The following ITLN2 variants were observed in gnomAD, a reference collection of about 807,000 sequenced individuals.
ITLN2 encodes the protein intelectin 2, also known as intelectin-2.
ITLN2 carries 29 observed loss-of-function variants against 39.4 expected under a neutral mutation model. That is an observed-to-expected ratio of 0.74 (90% confidence interval 0.55 to 1.00). The LOEUF (loss-of-function observed/expected upper bound fraction) is 1.00. Among genes scored for constraint, ITLN2 ranks in the 50% least tolerant of loss-of-function variants. ITLN2 has a pLI of 0.00. For missense variants in ITLN2, 412 were observed against 416.7 expected (o/e 0.99, Z 0.10); for synonymous variants, 156 against 153.4 (o/e 1.02, Z -0.12).
At chr1:160,952,547 A>G in intron 3 of ITLN2, 73 bp downstream of exon 3, 1 of 1,050,016 alleles carries the variant, frequency 9.5e-7, no homozygotes, top group Non-Finnish European at 1.5e-6. Context: ...GTCCCTCCTG[A>G]TTTCCATGAC....
At chr1:160,952,793 C>T in intron 2 of ITLN2, 60 bp from the exon 3 acceptor site, 1 of 1,195,184 alleles carries the variant, frequency 8.4e-7, no homozygotes, top group East Asian at 2.3e-5. Context: ...TCTTTCCTGG[C>T]CAATCTCTGC....
intron 6 of ITLN2, 108 bp downstream of exon 6, chr1:160,949,938 T>A (rs909008400): frequency 1.0e-6 from 1 of 998,400 alleles, no homozygotes; most frequent in Non-Finnish European, 1.5e-6. Flanking sequence ...GTCTGGTGCA[T>A]TTTAAGTGCT....
chr1:160,950,057 G>A lies in ITLN2; in HGVS notation c.710C>T (p.Pro237Leu), dbSNP rs201391588. ...GAGCAAACACTCACGTTGACCATAC[G>A]GTGAGTAATAAGATGCAGTCTTCTT... ...DAKKTASYYS[P>L]YGQREFVAGF... is the part of the protein sequence containing the mutation. The change falls in exon 6 of 8, where the codon CCG (proline) becomes CTG (leucine). Residue 237 changes from proline to leucine, a missense_variant. Coordinates refer to ENST00000368029, the MANE Select transcript of ITLN2 (RefSeq NM_080878.3). 28 of 1,613,698 alleles carry A rather than the reference G, an allele frequency of 1.7e-5. No individual in the cohort carries two copies. In the East Asian group the frequency reaches 1.8e-4, roughly 10 times the overall value.
intron 1 of ITLN2, 134 bp from the exon 2 acceptor site, chr1:160,954,584 CT>C (rs1671821464): frequency 8.2e-7 from 1 of 1,221,084 alleles, no homozygotes; most frequent in Non-Finnish European, 1.2e-6. Flanking sequence ...CTAAAACCTC[CT>C]GGAATATGCC....
intron 3 of ITLN2, among the ~76,000 whole-genome samples, chr1:160,952,215 C>T (rs1553205509): frequency 6.6e-6 from 1 of 152,196 alleles, no homozygotes; most frequent in Non-Finnish European, 1.5e-5. Context: ...CTTGACAAAC[C>T]CACTACTTGG....
At chr1:160,950,504 G>C in intron 5 of ITLN2, 49 bp downstream of exon 5, 1 of 1,592,376 alleles carries the variant, frequency 6.3e-7, no homozygotes, top group Non-Finnish European at 8.6e-7. Context: ...TAGACACTTC[G>C]ATCTCTGTTC....
intron 2 of ITLN2, among the ~76,000 whole-genome samples, chr1:160,953,502 G>A (rs537903853): frequency 1.5e-4 from 23 of 152,234 alleles, no homozygotes; most frequent in African/African-American, 5.3e-4. Flanking sequence ...ACAAGATCAG[G>A]AGTTCAAGAA....
At chr1:160,946,046 C>A (rs960162252) in intron 7 of ITLN2, among the ~76,000 whole-genome samples, 6 of 152,108 alleles carry the variant, frequency 3.9e-5, no homozygotes, top group African/African-American at 1.4e-4. Context: ...GTGACTCATG[C>A]CTGTAATCCC....
At chr1:160,947,899 C>G (rs187943366) in intron 7 of ITLN2, 30 bp downstream of exon 7, 15,871 of 1,393,926 alleles carry the variant, frequency 0.011, 145 homozygotes, top group Non-Finnish European at 0.013. Flanking sequence ...TTTCCCCACA[C>G]GTGGGCCATT....
At chr1:160,945,446 C>T (rs780922959) in intron 7 of ITLN2, among the ~76,000 whole-genome samples, 154 bp from the exon 8 acceptor site, 3 of 152,280 alleles carry the variant, frequency 2.0e-5, no homozygotes, top group Non-Finnish European at 2.9e-5. Flanking sequence ...CACACCTGGC[C>T]CTATGCATGT....
intron 6 of ITLN2, 194 bp downstream of exon 6, chr1:160,949,851 GA>G: frequency 7.1e-6 from 4 of 559,506 alleles, no homozygotes; most frequent in Non-Finnish European, 1.3e-5. Context: ...GTGAAATGGG[GA>G]TAACAGCAAT....
chr1:160,952,185 C>G (rs1029168448), intron 3 of ITLN2, among the ~76,000 whole-genome samples: 1 of 152,174 alleles, frequency 6.6e-6, no homozygotes, highest in Non-Finnish European at 1.5e-5. Context: ...GTTTCCTTGC[C>G]AGCCACATTT....
intron 3 of ITLN2, 170 bp from the exon 4 acceptor site, chr1:160,951,460 G>C (rs1671744495): frequency 1.3e-6 from 1 of 791,170 alleles, no homozygotes; most frequent in African/African-American, 1.7e-5. Flanking sequence ...TATGAGCAGA[G>C]GCACTGACTG....
chr1:160,946,214 G>C (rs913128626), intron 7 of ITLN2, among the ~76,000 whole-genome samples: 2 of 152,088 alleles, frequency 1.3e-5, no homozygotes, highest in Non-Finnish European at 2.9e-5. Flanking sequence ...AGGAGGCTGA[G>C]GCAGGAGAAA....
At chr1:160,949,108 T>C (rs757971569) in intron 6 of ITLN2, 1 of 152,008 alleles carries the variant, frequency 6.6e-6, no homozygotes, top group African/African-American at 2.4e-5. Context: ...GTCTGTGTCA[T>C]AAACAAGGTT....
At position 160,954,783 on chromosome 1, in the gene ITLN2, A is replaced by T; in HGVS notation, c.-42T>A. 6.2e-7 allele frequency: 1 copy of T among 1,610,620 alleles called. No homozygotes were observed. Among genetic ancestry groups the T allele is most frequent in the East Asian group, 2.2e-5 (1 of 44,866 alleles). On this transcript the variant is annotated 5_prime_UTR_variant, in exon 1 of 8. Coordinates refer to ENST00000368029, the MANE Select transcript of ITLN2 (RefSeq NM_080878.3). ...AGCTGATAGTTCCCTTCCTGTGGAC[A>T]CTCGGAGCTCCCCTGCAGAGGATCC...
In ITLN2 at chr1:160,952,626, C is replaced by A; in HGVS notation, c.187G>T (p.Ala63Ser). ...CKEIKERCHS[A>S]GDGLYFLRTK... ...GAGTTGGTTCATTACTCACCACCTGCACTATGGCAGCGTTCCTTGATTTCT... is the reference window on the plus strand; with the variant it reads ...GAGTTGGTTCATTACTCACCACCTGAACTATGGCAGCGTTCCTTGATTTCT... Residue 63 changes from alanine to serine, a missense_variant, in exon 3 of 8, where the codon GCA becomes TCA. By Grantham distance (99) the Ala-to-Ser change is moderately conservative (BLOSUM62 1). Coordinates refer to ENST00000368029, the MANE Select transcript of ITLN2 (RefSeq NM_080878.3). 6.2e-7 allele frequency: 1 copy of A among 1,611,130 alleles called. No homozygotes were observed. The highest frequency in any genetic ancestry group is 8.5e-7 in the Non-Finnish European group (1 of 1,177,174).
chr1:160,954,130 C>A (rs1399670380), intron 2 of ITLN2, among the ~76,000 whole-genome samples: 1 of 152,160 alleles, frequency 6.6e-6, no homozygotes, highest in African/African-American at 2.4e-5. Context: ...CCCCTCACAG[C>A]CACAGAAGCA....
At chr1:160,952,227 C>T (rs1309867217) in intron 3 of ITLN2, among the ~76,000 whole-genome samples, 1 of 152,230 alleles carries the variant, frequency 6.6e-6, no homozygotes, top group African/African-American at 2.4e-5. Context: ...ACTACTTGGG[C>T]AGATGTCACC....
Sources: allele counts gnomAD v4.1 joint callset (sites outside exome capture counted in the v4.1 genomes callset), GRCh38; gene constraint gnomAD v4.1.1; transcripts MANE v1.5; gene names NCBI Gene and HGNC (gene_info 2026-07-23, HGNC 2026-07-21).